RABGEF1: variants seen among roughly 807,000 people sequenced by gnomAD.
The protein encoded by RABGEF1 is rab5 GDP/GTP exchange factor.
RABGEF1 carries 26 observed loss-of-function variants against 57.3 expected under a neutral mutation model. The observed-to-expected ratio is 0.45, with a 90% CI of 0.33 to 0.63. The LOEUF is 0.63. Ranked by LOEUF, RABGEF1 falls within the 20% of genes least tolerant of loss-of-function variation. RABGEF1 has a pLI of 0.02. For missense variants in RABGEF1, 464 were observed against 607.6 expected (o/e 0.76, Z 2.48); for synonymous variants, 185 against 210.7 (o/e 0.88, Z 1.06).
intron 1 of RABGEF1, among the ~76,000 whole-genome samples, chr7:66,754,364 C>T (rs1392069002): frequency 6.7e-6 from 1 of 150,270 alleles, no homozygotes; most frequent in African/African-American, 2.4e-5. Context: ...CAGGTTTTTT[C>T]TTTCAGCTTT....
At chr7:66,714,158 CT>C (rs1795091327) in intron 2 of RABGEF1, among the ~76,000 whole-genome samples, 1 of 152,092 alleles carries the variant, frequency 6.6e-6, no homozygotes, top group Non-Finnish European at 1.5e-5. Context: ...TGTTTTAAAT[CT>C]TTGGTAAGAA....
intron 2 of RABGEF1, 67 bp downstream of exon 2, chr7:66,772,145 A>G: frequency 4.0e-6 from 5 of 1,248,580 alleles, no homozygotes; most frequent in Non-Finnish European, 5.3e-6. Flanking sequence ...GTCACCGTCT[A>G]AATACATTTT....
At chr7:66,792,165 T>C (rs1024035703) in intron 4 of RABGEF1, among the ~76,000 whole-genome samples, 1 of 150,992 alleles carries the variant, frequency 6.6e-6, no homozygotes, top group African/African-American at 2.4e-5. Flanking sequence ...GATTAGAGAG[T>C]ACTTGAGGTA....
intron 4 of RABGEF1, among the ~76,000 whole-genome samples, chr7:66,794,563 C>G (rs1263877806): frequency 6.6e-6 from 1 of 151,998 alleles, no homozygotes; most frequent in Non-Finnish European, 1.5e-5. Context: ...ATCAGTAAAA[C>G]CAAATAAAAA....
At chr7:66,717,066 A>G (rs1795491688) in intron 2 of RABGEF1, among the ~76,000 whole-genome samples, 1 of 152,246 alleles carries the variant, frequency 6.6e-6, no homozygotes, top group Admixed American at 6.5e-5. Context: ...GGCGTGAGCC[A>G]CTGCATGTGG....
At chr7:66,679,738 C>T (rs1229473274), upstream of RABGEF1, among the ~76,000 whole-genome samples, 1 of 152,140 alleles carries the variant, frequency 6.6e-6, no homozygotes, top group South Asian at 2.1e-4. Context: ...TTATTGAACG[C>T]TCATTGTGGG....
At chr7:66,727,832 G>A (rs1796762859) in intron 2 of RABGEF1, among the ~76,000 whole-genome samples, 1 of 152,192 alleles carries the variant, frequency 6.6e-6, no homozygotes, top group Admixed American at 6.5e-5. Context: ...CAATAGGAGA[G>A]GCATTTGTGA....
intron 1 of RABGEF1, among the ~76,000 whole-genome samples, chr7:66,689,540 C>A (rs547541395): frequency 1.3e-5 from 2 of 152,214 alleles, no homozygotes; most frequent in East Asian, 1.9e-4. Flanking sequence ...AGGTGGCTCA[C>A]GCCTATAATC....
chr7:66,767,991 A>C (rs540823483), intron 1 of RABGEF1, among the ~76,000 whole-genome samples: 2 of 152,282 alleles, frequency 1.3e-5, no homozygotes, highest in East Asian at 3.9e-4. Context: ...GTATGGGTGC[A>C]CCATAGTTTG....
At chr7:66,730,161 A>G (rs1797135450) in intron 2 of RABGEF1, among the ~76,000 whole-genome samples, 1 of 152,170 alleles carries the variant, frequency 6.6e-6, no homozygotes, top group Non-Finnish European at 1.5e-5. Context: ...GGAGAGTGCA[A>G]CAGGGTGCAA....
chr7:66,749,676 AAAAC>A (rs999180724), intron 1 of RABGEF1, among the ~76,000 whole-genome samples: 15 of 152,250 alleles, frequency 9.9e-5, no homozygotes, highest in African/African-American at 2.2e-4. Context: ...TCCATCTCTA[AAAAC>A]AAACAAACAG....
intron 5 of RABGEF1, among the ~76,000 whole-genome samples, chr7:66,796,377 T>C (rs766004675): frequency 1.3e-5 from 2 of 152,214 alleles, no homozygotes; most frequent in Non-Finnish European, 2.9e-5. Flanking sequence ...TACGATGTTA[T>C]GGTAAACCTC....
chr7:66,755,827 C>T (rs1802578022), intron 1 of RABGEF1: 1 of 403,688 alleles, frequency 2.5e-6, no homozygotes, highest in African/African-American at 2.1e-5. Context: ...CCTGCTTGCT[C>T]TGCTCATTCC....
At position 66,797,392 on chromosome 7, in the gene RABGEF1, A is replaced by G. The variant is rs1171227739; in HGVS notation, c.614A>G (p.Glu205Gly). The change falls in exon 6 of 9, where the codon GAG (glutamate) becomes GGG (glycine). Residue 205 changes from glutamate to glycine, a missense_variant. Around this residue, in one of 4 missense-constraint regions of RABGEF1, gnomAD observed 284 missense variants for 389.9 expected, o/e 0.73. Transcript: ENST00000284957. The part of the protein sequence containing the change: ...TRGKVPPERV[E>G]KIMDQIEKYI... ...ATTTCAGTGCCTCCAGAAAGAGTCG[A>G]GAAGATAATGGATCAGATTGAAAAG... is the stretch of plus-strand genomic sequence containing the variant. The G allele has an allele frequency of 3.1e-6, 5 of 1,610,602 alleles. No homozygotes were observed. The East Asian group carries it at 1.1e-4, about 36-fold the overall frequency.
intron 7 of RABGEF1, among the ~76,000 whole-genome samples, chr7:66,800,314 A>T (rs1367580061): frequency 6.6e-6 from 1 of 152,208 alleles, no homozygotes; most frequent in Non-Finnish European, 1.5e-5. Context: ...CCCAAGGGTC[A>T]TCCAGGGAGT....
upstream of RABGEF1, chr7:66,739,945 C>G (rs2129045843): frequency 1.3e-5 from 2 of 152,306 alleles, no homozygotes; most frequent in South Asian, 4.1e-4. Flanking sequence ...CTTTGTGACA[C>G]TGGCTAATTT....
intron 1 of RABGEF1, among the ~76,000 whole-genome samples, chr7:66,771,434 G>A (rs1337672196): frequency 6.6e-6 from 1 of 152,090 alleles, no homozygotes; most frequent in Non-Finnish European, 1.5e-5. Flanking sequence ...CCACCACACC[G>A]GCCTGTGCAG....
At chr7:66,680,712 CA>C, upstream of RABGEF1, among the ~76,000 whole-genome samples, 1 of 152,126 alleles carries the variant, frequency 6.6e-6, no homozygotes, top group South Asian at 2.1e-4. Context: ...TTTGGGAGAC[CA>C]AGGCAGGTGG....
At chr7:66,737,055 A>G (rs866838491), upstream of RABGEF1, among the ~76,000 whole-genome samples, 18 of 127,628 alleles carry the variant, frequency 1.4e-4, no homozygotes, top group African/African-American at 4.6e-4. Flanking sequence ...GAGGGGGGAG[A>G]GAGAGAGAGA....
Sources: gnomAD v4.1 joint callset for allele counts (sites outside exome capture counted in the v4.1 genomes callset) on GRCh38, gnomAD v4.1.1 for gene constraint, gnomAD v4.1.1 regional missense constraint, MANE v1.5 for transcripts, NCBI Gene and HGNC (gene_info 2026-07-23, HGNC 2026-07-21) for gene names.